SRSF7: variants seen among roughly 807,000 people sequenced by gnomAD.
SRSF7 encodes serine/arginine-rich splicing factor 7.
SRSF7 carries 15 observed loss-of-function variants against 42.2 expected under a neutral mutation model. That is an observed-to-expected ratio of 0.36 (90% CI 0.24 to 0.55). The LOEUF (loss-of-function observed/expected upper bound fraction) is 0.55, where lower values mean the gene tolerates loss of function less well. Ranked by LOEUF, SRSF7 falls within the 20% of genes least tolerant of loss-of-function variation. The probability of loss-of-function intolerance (pLI) is 0.88; values close to 1 mark genes in which losing one functional copy is unlikely to be tolerated. For missense variants in SRSF7, 181 were observed against 305.9 expected (o/e 0.59, Z 3.04); for synonymous variants, 138 against 107.9 (o/e 1.28, Z -1.73).
intron 5 of SRSF7, 104 bp downstream of exon 5, chr2:38,747,943 T>C: frequency 2.6e-6 from 2 of 773,364 alleles, no homozygotes; most frequent in Non-Finnish European, 4.1e-6. Flanking sequence ...CTTTTACATC[T>C]CAAATATTCC....
At position 38,748,501 on chromosome 2, in the gene SRSF7, A is replaced by T. The variant is rs949973000; in HGVS notation, c.461+78T>A. Reference sequence around the variant, plus strand: ...GAGCAAGACCCTGTCTCCAAAAAAAATAATGAGCTTTTTCTGTGTTGGACT... The same window carrying T: ...GAGCAAGACCCTGTCTCCAAAAAAATTAATGAGCTTTTTCTGTGTTGGACT... On this transcript the variant is annotated intron_variant, in intron 4 of 7. Coordinates refer to ENST00000313117, the MANE Select transcript of SRSF7 (RefSeq NM_001031684.3). 2.2e-5 allele frequency: 33 copies of T among 1,483,800 alleles called. No individual in the cohort carries two copies. In the Admixed American group the frequency reaches 3.2e-4, roughly 14 times the overall value. 91.9% of individuals were successfully genotyped at this position (1,483,800 alleles called of 1,614,324 possible).
At chr2:38,745,881 T>G (rs190299315) in intron 7 of SRSF7, among the ~76,000 whole-genome samples, 1 of 152,278 alleles carries the variant, frequency 6.6e-6, no homozygotes, top group East Asian at 1.9e-4. Flanking sequence ...GCATCTATCT[T>G]ACCAAAATTT....
Position 38,744,052 on chromosome 2 carries a change from G to T in SRSF7, c.*1081C>A. On this transcript the variant is annotated 3_prime_UTR_variant, in exon 8 of 8. Coordinates refer to ENST00000313117, the MANE Select transcript of SRSF7 (RefSeq NM_001031684.3). ...TGTAACATTCTAAGGTCTACCAGAT[G>T]CTACCAAAAAATATTAGCTACATGG... The T allele has an allele frequency of 1.3e-5, 2 of 152,344 alleles. No homozygotes were observed. The highest frequency in any genetic ancestry group is 3.9e-4 in the East Asian group (2 of 5,184). The allele number at this position is 152,344 out of a possible 1,614,324, so 9.4% of individuals were successfully genotyped here.
At chr2:38,750,655 C>T (rs998029411) in intron 1 of SRSF7, among the ~76,000 whole-genome samples, 2 of 151,378 alleles carry the variant, frequency 1.3e-5, no homozygotes, top group African/African-American at 2.4e-5. Flanking sequence ...AAGACTCCAG[C>T]TCCCCGCCCC....
chr2:38,749,814 C>G lies in SRSF7; in HGVS notation c.210-109G>C, dbSNP rs1053833448. ...CACTCTTTCCAACCACTCCTTCCCCCCCAACAAACTTTGGCGGTCTTTACC... is the reference window on the plus strand; with the variant it reads ...CACTCTTTCCAACCACTCCTTCCCCGCCAACAAACTTTGGCGGTCTTTACC... On this transcript the variant is annotated intron_variant, in intron 2 of 7. Transcript: ENST00000313117. 2.0e-5 allele frequency: 27 copies of G among 1,333,002 alleles called. No individual in the cohort carries two copies. The East Asian group carries it at 2.1e-4, about 10-fold the overall frequency. 82.6% of individuals were successfully genotyped at this position (1,333,002 alleles called of 1,614,324 possible).
intron 2 of SRSF7, 125 bp from the exon 3 acceptor site, chr2:38,749,830 G>T: frequency 7.8e-7 from 1 of 1,284,672 alleles, no homozygotes; most frequent in Non-Finnish European, 1.0e-6. Context: ...AAACTTTGGC[G>T]GTCTTTACCA....
At chr2:38,747,724 C>G (rs1257834215) in intron 5 of SRSF7, among the ~76,000 whole-genome samples, 41 of 152,074 alleles carry the variant, frequency 2.7e-4, no homozygotes, top group Non-Finnish European at 1.5e-5. Flanking sequence ...TCGGGAAAAT[C>G]AATTACCATC....
Position 38,748,031 on chromosome 2 carries a change from A to G in SRSF7, c.572+16T>C. On this transcript the variant is annotated intron_variant, in intron 5 of 7. Transcript: ENST00000313117. ...GAACAATCCAAACACAAGTAAGGAA[A>G]AAAAGTGTTACATACTGGAAATACC... 6.3e-7 allele frequency: 1 copy of G among 1,590,654 alleles called. No individual in the cohort carries two copies. The highest frequency in any genetic ancestry group is 8.6e-7 in the Non-Finnish European group (1 of 1,159,782).
In SRSF7 at chr2:38,748,136, T is replaced by G; in HGVS notation, c.483A>C (p.Arg161=). 1 of 1,613,800 alleles carries G rather than the reference T, an allele frequency of 6.2e-7. No individual in the cohort carries two copies. The highest frequency in any genetic ancestry group is 2.2e-5 in the East Asian group (1 of 44,870). The part of the protein sequence containing the change: ...RGRRSRSASP[R]RSRSISLRRS... ...TACGAAGAGAGATAGATCTTGATCG[T>G]CGAGGAGATGCTGACCTTGACCTAA... is the stretch of plus-strand genomic sequence containing the variant. Residue 161 remains arginine (R), a synonymous_variant, in exon 5 of 8, where the codon CGA becomes CGC. Transcript: ENST00000313117.
Position 38,748,639 on chromosome 2 carries a change from GATC to G in SRSF7, c.398_400del (p.Arg133_Ser134delinsThr). On this transcript the variant is annotated inframe_deletion, in exon 4 of 8. Transcript: ENST00000313117. ...TCGCCTTCCTCTGGATCGAGAATGTGATCTAGACCGTGACCTATTTTTCAAGTT... is the reference window on the plus strand; with the variant it reads ...TCGCCTTCCTCTGGATCGAGAATGTGTAGACCGTGACCTATTTTTCAAGTT... 6.2e-7 allele frequency: 1 copy of G among 1,614,190 alleles called. No homozygotes were observed. Among genetic ancestry groups the G allele is most frequent in the East Asian group, 2.2e-5 (1 of 44,886 alleles).
In SRSF7 at chr2:38,746,909, C is replaced by G. The variant is rs3755023; in HGVS notation, c.573-162G>C. 53 of 1,242,060 alleles carry G rather than the reference C, an allele frequency of 4.3e-5. No individual in the cohort carries two copies. The East Asian group carries it at 1.3e-3, about 31-fold the overall frequency. The allele number at this position is 1,242,060 out of a possible 1,614,324, so 76.9% of individuals were successfully genotyped here. On this transcript the variant is annotated intron_variant, in intron 5 of 7. Transcript: ENST00000313117. ...TAACACACTGTCAAACAAAGTGTTA[C>G]CAGACATAAGGAACCCCCATTTCAA...
chr2:38,744,427 TG>T lies in SRSF7; in HGVS notation c.*705del. On this transcript the variant is annotated 3_prime_UTR_variant, in exon 8 of 8. Coordinates refer to ENST00000313117, the MANE Select transcript of SRSF7 (RefSeq NM_001031684.3). ...ATTGAGAGTAGAACTCCCCATATCTTGGGGAGTCCTAATTAACACTATGCCA... is the reference window on the plus strand; with the variant it reads ...ATTGAGAGTAGAACTCCCCATATCTTGGGAGTCCTAATTAACACTATGCCA... The T allele has an allele frequency of 6.6e-6, 1 of 152,552 alleles. No homozygotes were observed. The highest frequency in any genetic ancestry group is 2.1e-4 in the South Asian group (1 of 4,824). The allele number at this position is 152,552 out of a possible 1,614,324, so 9.4% of individuals were successfully genotyped here.
chr2:38,749,881 T>TGC, intron 2 of SRSF7, 133 bp downstream of exon 2: 2 of 1,265,336 alleles, frequency 1.6e-6, no homozygotes, highest in Non-Finnish European at 2.2e-6. Flanking sequence ...AACCTTCGTG[T>TGC]GCCTTTAGCA....
chr2:38,748,798 G>GT, intron 3 of SRSF7, 145 bp from the exon 4 acceptor site: 1 of 1,164,066 alleles, frequency 8.6e-7, no homozygotes, highest in Non-Finnish European at 1.2e-6. Context: ...TAGTTGTTGA[G>GT]TATTTTTTTT....
chr2:38,749,204 A>G, intron 3 of SRSF7: 2 of 1,346,110 alleles, frequency 1.5e-6, no homozygotes, highest in Non-Finnish European at 2.0e-6. Flanking sequence ...CTAGGTGTAG[A>G]TGACTCGAGG....
chr2:38,749,473 TA>T (rs1558612569), intron 3 of SRSF7, 55 bp downstream of exon 3: 1 of 1,544,986 alleles, frequency 6.5e-7, no homozygotes. Flanking sequence ...GCCTTGCTAA[TA>T]AAAGAATTAC....
chr2:38,750,930 G>A (rs1668243599), intron 1 of SRSF7: 1 of 385,132 alleles, frequency 2.6e-6, no homozygotes, highest in Non-Finnish European at 4.9e-6. Context: ...GGGCGGGGGG[G>A]GAGGGGGGCC....
rs1008111326 is a variant in SRSF7, at chr2:38,749,950, A to G, written c.209+64T>C. The G allele has an allele frequency of 1.6e-5, 24 of 1,507,986 alleles. No individual in the cohort carries two copies. In the African/African-American group the frequency reaches 2.2e-4, roughly 14 times the overall value. The allele number at this position is 1,507,986 out of a possible 1,614,324, so 93.4% of individuals were successfully genotyped here. A position where few individuals can be genotyped will look rare whatever the true frequency, so the allele number is the denominator to read the frequency against. On this transcript the variant is annotated intron_variant, in intron 2 of 7. Transcript: ENST00000313117. ...CCAGACTTCAGAATCCAAATTTAGC[A>G]CTAAGTTCATTATCTAGCCACAGTA... is the stretch of plus-strand genomic sequence containing the variant.
In SRSF7 at chr2:38,748,097, A is replaced by C; in HGVS notation, c.522T>G (p.Ala174=). 2 of 1,614,128 alleles carry C rather than the reference A, an allele frequency of 1.2e-6. No homozygotes were observed. Among genetic ancestry groups the C allele is most frequent in the Non-Finnish European group, 1.7e-6 (2 of 1,179,974 alleles). ...AACCAGACCTAGATCTTCTGAGTGA[A>C]GCTGATCTTGATCTACGAAGAGAGA... is the stretch of plus-strand genomic sequence containing the variant. ...RSISLRRSRS[A]SLRRSRSGSI... is the part of the protein sequence containing the mutation. The change falls in exon 5 of 8, where the codon GCT becomes GCG. Residue 174 remains alanine, a synonymous_variant. Coordinates refer to ENST00000313117, the MANE Select transcript of SRSF7 (RefSeq NM_001031684.3).
Sources: allele counts gnomAD v4.1 joint callset (sites outside exome capture counted in the v4.1 genomes callset), GRCh38; gene constraint gnomAD v4.1.1; transcripts MANE v1.5; gene names NCBI Gene and HGNC (gene_info 2026-07-23, HGNC 2026-07-21).